The following GRID2 variants were observed in gnomAD, a reference collection of about 807,000 sequenced individuals.
GRID2 encodes glutamate receptor ionotropic, delta-2.
In GRID2, 33 loss-of-function variants were observed where a neutral mutation model predicts 114.8. That is an observed-to-expected ratio of 0.29 (90% CI 0.22 to 0.38). The LOEUF is 0.38. Among genes scored for constraint, GRID2 ranks in the 10% least tolerant of loss-of-function variants. The pLI is 1.00. For missense variants in GRID2, 1,184 were observed against 1,257.7 expected (o/e 0.94, Z 0.89); for synonymous variants, 505 against 449.9 (o/e 1.12, Z -1.55).
chr4:93,458,478 T>C (rs554713545), intron 11 of GRID2, among the ~76,000 whole-genome samples: 2 of 152,286 alleles, frequency 1.3e-5, no homozygotes, highest in East Asian at 3.9e-4. Flanking sequence ...CATGGGATAG[T>C]TTGACTTTCT....
In GRID2 at chr4:93,412,239, C is replaced by CAA. The variant is rs1579995850; in HGVS notation, c.1348-10532_1348-10531insAA. ...GCATAGTAAGACCCATCCCCCCCCC[C>CAA]CAAAAAAAAATACCAGGCATAACAG... On this transcript the variant is annotated intron_variant, in intron 9 of 15. Transcript: ENST00000282020. Among the ~76,000 whole-genome samples, 19 of 148,898 alleles carry CAA rather than the reference C, an allele frequency of 1.3e-4. 1 individual carries two copies. The highest frequency in any genetic ancestry group is 1.3e-3 in the Admixed American group (19 of 14,976).
At chr4:92,681,745 T>G (rs1189915853) in intron 2 of GRID2, among the ~76,000 whole-genome samples, 7 of 152,066 alleles carry the variant, frequency 4.6e-5, no homozygotes, top group Non-Finnish European at 1.0e-4. Flanking sequence ...CAATTGTAAA[T>G]TTTTCTAAAA....
intron 8 of GRID2, among the ~76,000 whole-genome samples, chr4:93,390,525 CTG>C (rs1764749496): frequency 6.6e-6 from 1 of 152,110 alleles, no homozygotes; most frequent in African/African-American, 2.4e-5. Context: ...GATGAGAAAA[CTG>C]AAACCCAACA....
chr4:93,533,235 T>TAAA (rs1731632789), intron 13 of GRID2, among the ~76,000 whole-genome samples: 1 of 151,234 alleles, frequency 6.6e-6, no homozygotes, highest in African/African-American at 2.4e-5. Context: ...TGTAGGGCCC[T>TAAA]TTCTTTCTCT....
chr4:93,420,731 CTTATTTATTTA>C (rs1768179939), intron 9 of GRID2, among the ~76,000 whole-genome samples: 1 of 146,244 alleles, frequency 6.8e-6, no homozygotes, highest in Non-Finnish European at 1.5e-5. Flanking sequence ...ATTATTTTTA[CTTATTTATTTA>C]TTTATTTATT....
intron 2 of GRID2, among the ~76,000 whole-genome samples, chr4:92,876,223 C>T (rs780408090): frequency 8.1e-4 from 123 of 151,108 alleles, no homozygotes; most frequent in African/African-American, 8.5e-4. Flanking sequence ...TTCTCTGTTT[C>T]GAACAGCAAA....
chr4:92,980,505 A>T (rs1754125578), intron 2 of GRID2, among the ~76,000 whole-genome samples: 1 of 152,088 alleles, frequency 6.6e-6, no homozygotes, highest in African/African-American at 2.4e-5. Context: ...AAAAGAAATG[A>T]AAAATAAGTT....
At chr4:92,712,874 G>C (rs1478287766) in intron 2 of GRID2, among the ~76,000 whole-genome samples, 1 of 152,032 alleles carries the variant, frequency 6.6e-6, no homozygotes, top group Non-Finnish European at 1.5e-5. Flanking sequence ...TAATATTTGA[G>C]ATCTAGCTAC....
At chr4:92,341,028 C>A (rs762913945) in intron 1 of GRID2, among the ~76,000 whole-genome samples, 1 of 151,628 alleles carries the variant, frequency 6.6e-6, no homozygotes, top group Non-Finnish European at 1.5e-5. Flanking sequence ...AGTTCTAATA[C>A]AATATCACCT....
At chr4:92,543,735 A>G (rs1355643541) in intron 1 of GRID2, among the ~76,000 whole-genome samples, 1 of 152,188 alleles carries the variant, frequency 6.6e-6, no homozygotes, top group Non-Finnish European at 1.5e-5. Context: ...GCAGGTTAAC[A>G]TTTTATGTTG....
intron 4 of GRID2, among the ~76,000 whole-genome samples, chr4:93,133,885 T>A (rs1735012639): frequency 6.6e-6 from 1 of 152,220 alleles, no homozygotes; most frequent in African/African-American, 2.4e-5. Flanking sequence ...TGTGGCAAGC[T>A]GTTGTTCAAA....
At chr4:92,643,439 G>C (rs891125017) in intron 2 of GRID2, among the ~76,000 whole-genome samples, 3 of 151,692 alleles carry the variant, frequency 2.0e-5, no homozygotes, top group African/African-American at 7.3e-5. Flanking sequence ...AAACCCCAAA[G>C]ACTCTGCCAA....
At chr4:92,798,807 G>C (rs1285787228) in intron 2 of GRID2, among the ~76,000 whole-genome samples, 1 of 151,878 alleles carries the variant, frequency 6.6e-6, no homozygotes, top group Non-Finnish European at 1.5e-5. Flanking sequence ...TTTATAATTA[G>C]GGTACAGAGT....
intron 4 of GRID2, among the ~76,000 whole-genome samples, chr4:93,130,869 A>G (rs1411218251): frequency 1.3e-5 from 2 of 152,150 alleles, no homozygotes; most frequent in East Asian, 3.9e-4. Context: ...TAGACATCTT[A>G]TAACTGGTTT....
intron 3 of GRID2, among the ~76,000 whole-genome samples, chr4:93,090,008 G>A (rs1215206191): frequency 6.6e-6 from 1 of 152,122 alleles, no homozygotes; most frequent in East Asian, 1.9e-4. Flanking sequence ...AAGAATTCCT[G>A]TTTTCAAAAT....
intron 2 of GRID2, among the ~76,000 whole-genome samples, chr4:92,977,125 A>C (rs1426860471): frequency 6.6e-6 from 1 of 152,180 alleles, no homozygotes; most frequent in African/African-American, 2.4e-5. Context: ...CAGAAAGCTA[A>C]AATGTAAGCA....
intron 2 of GRID2, among the ~76,000 whole-genome samples, chr4:92,807,743 T>A (rs1048031490): frequency 6.6e-6 from 1 of 151,992 alleles, no homozygotes; most frequent in Non-Finnish European, 1.5e-5. Flanking sequence ...GATATCATTA[T>A]AACAACTTCA....
chr4:93,386,248 C>CCT (rs1350548782), intron 8 of GRID2, among the ~76,000 whole-genome samples: 2 of 152,132 alleles, frequency 1.3e-5, no homozygotes. Flanking sequence ...CATTTGTTAG[C>CCT]TGAGTAGCCT....
chr4:93,464,255 C>A (rs908688986), intron 11 of GRID2, among the ~76,000 whole-genome samples: 2 of 152,120 alleles, frequency 1.3e-5, no homozygotes, highest in Non-Finnish European at 2.9e-5. Context: ...AATTCAATTT[C>A]TGTTTGACAT....
Sources: allele counts gnomAD v4.1 joint callset (sites outside exome capture counted in the v4.1 genomes callset), GRCh38; gene constraint gnomAD v4.1.1; transcripts MANE v1.5; gene names NCBI Gene and HGNC (gene_info 2026-07-23, HGNC 2026-07-21).